FAM168A: variants seen among roughly 807,000 people sequenced by gnomAD.
FAM168A encodes the protein family with sequence similarity 168 member A, also known as protein FAM168A.
In FAM168A, 3 loss-of-function variants were observed where a neutral mutation model predicts 28.5. The observed-to-expected ratio is 0.11, with a 90% confidence interval of 0.05 to 0.27. FAM168A has a LOEUF of 0.27. Among genes scored for constraint, FAM168A ranks in the 10% least tolerant of loss-of-function variants. The pLI is 1.00. For synonymous variants in FAM168A, 122 were observed against 124.2 expected (o/e 0.98, Z 0.12); for missense variants, 222 against 311.5 (o/e 0.71, Z 2.16).
chr11:73,462,460 G>A (rs1204773025), intron 2 of FAM168A, among the ~76,000 whole-genome samples: 1 of 152,178 alleles, frequency 6.6e-6, no homozygotes, highest in African/African-American at 2.4e-5. Context: ...GAAATGAAGA[G>A]TTATTGTTTA....
intron 1 of FAM168A, among the ~76,000 whole-genome samples, chr11:73,513,155 A>C (rs1000997794): frequency 7.3e-5 from 11 of 151,262 alleles, no homozygotes; most frequent in Non-Finnish European, 1.5e-4. Flanking sequence ...TGTTCTATGA[A>C]CAGAAATGAC....
chr11:73,531,052 A>G (rs1943508942), intron 1 of FAM168A, among the ~76,000 whole-genome samples: 1 of 152,210 alleles, frequency 6.6e-6, no homozygotes, highest in Admixed American at 6.5e-5. Flanking sequence ...TAGAGGAGAC[A>G]GACACTGAAA....
At position 73,406,138 on chromosome 11, in the gene FAM168A, A is replaced by C. The variant is rs565452041; in HGVS notation, c.*625T>G. 8.6e-6 allele frequency: 1 copy of C among 116,692 alleles called. No homozygotes were observed. The highest frequency in any genetic ancestry group is 2.9e-4 in the South Asian group (1 of 3,394). 7.2% of individuals were successfully genotyped at this position (116,692 alleles called of 1,614,324 possible). ...CCCCCCACCCTCCCCCAAATTCTAA[A>C]GACTTTTTTCCCCAGGTTCTCAGCC... On this transcript the variant is annotated 3_prime_UTR_variant, in exon 8 of 8. Coordinates refer to ENST00000356467, the MANE Select transcript of FAM168A (RefSeq NM_015159.3).
intron 1 of FAM168A, among the ~76,000 whole-genome samples, chr11:73,525,301 A>T (rs534235307): frequency 6.6e-6 from 1 of 152,092 alleles, no homozygotes; most frequent in South Asian, 2.1e-4. Context: ...TGCCATGCCA[A>T]TTTTTTTTAA....
intron 1 of FAM168A, among the ~76,000 whole-genome samples, chr11:73,505,453 G>A (rs1015692215): frequency 6.6e-6 from 1 of 152,058 alleles, no homozygotes; most frequent in Non-Finnish European, 1.5e-5. Context: ...TTAGAACAAT[G>A]CCCAACATAT....
intron 1 of FAM168A, among the ~76,000 whole-genome samples, chr11:73,528,225 G>C (rs1006190639): frequency 3.3e-5 from 5 of 152,146 alleles, no homozygotes; most frequent in Non-Finnish European, 7.3e-5. Context: ...ACTCCATTTT[G>C]AATGAGGGCT....
chr11:73,406,297 A>G lies in FAM168A; in HGVS notation c.*466T>C, dbSNP rs1326200864. 6.6e-6 allele frequency: 1 copy of G among 152,160 alleles called. No individual in the cohort carries two copies. Among genetic ancestry groups the G allele is most frequent in the Non-Finnish European group, 1.5e-5 (1 of 68,040 alleles). The allele number at this position is 152,160 out of a possible 1,614,324, so 9.4% of individuals were successfully genotyped here. On this transcript the variant is annotated 3_prime_UTR_variant, in exon 8 of 8. Coordinates refer to ENST00000356467, the MANE Select transcript of FAM168A (RefSeq NM_015159.3). ...GTCCTGAACTAATCTTGCTTAAGAA[A>G]AAACAACCAGAACACTCCCCTAGAG...
chr11:73,421,016 T>C (rs1432965026), intron 3 of FAM168A: 1 of 148,638 alleles, frequency 6.7e-6, no homozygotes, highest in Non-Finnish European at 1.5e-5. Flanking sequence ...CTCAAATTAC[T>C]GTTTATGGTA....
At chr11:73,513,233 G>T (rs866199443) in intron 1 of FAM168A, among the ~76,000 whole-genome samples, 1 of 132,366 alleles carries the variant, frequency 7.6e-6, no homozygotes, top group South Asian at 2.4e-4. Context: ...TTTTTGAGAC[G>T]GAGTCTTGCT....
intron 1 of FAM168A, among the ~76,000 whole-genome samples, chr11:73,567,617 T>C (rs943516200): frequency 1.3e-5 from 2 of 152,216 alleles, no homozygotes; most frequent in African/African-American, 4.8e-5. Context: ...ACTGAGCACA[T>C]GCAACCGAGT....
chr11:73,409,655 A>G lies in FAM168A; in HGVS notation c.427T>C (p.Tyr143His). Residue 143 changes from tyrosine to histidine, a missense_variant, in exon 6 of 8, where the codon TAC becomes CAC. This residue lies in a region of FAM168A where 153 missense variants were observed against 189.2 expected (regional missense o/e 0.81). Coordinates refer to ENST00000356467, the MANE Select transcript of FAM168A (RefSeq NM_015159.3). ...GCAGCATACACCGGCTGTGTGTAGTAGGCTCCCTGGGGGAAAGAGGCTGAG... is the reference window on the plus strand; with the variant it reads ...GCAGCATACACCGGCTGTGTGTAGTGGGCTCCCTGGGGGAAAGAGGCTGAG... ...PQQNLYAQGA[Y>H]YTQPVYAAQP... The G allele has an allele frequency of 6.2e-7, 1 of 1,603,072 alleles. No individual in the cohort carries two copies. The highest frequency in any genetic ancestry group is 2.2e-5 in the East Asian group (1 of 44,588).
intron 1 of FAM168A, among the ~76,000 whole-genome samples, chr11:73,537,498 A>T (rs1460886537): frequency 6.6e-6 from 1 of 152,076 alleles, no homozygotes; most frequent in Non-Finnish European, 1.5e-5. Flanking sequence ...GAGGCAGAGG[A>T]GGCAGAGTGA....
chr11:73,413,721 G>T (rs924207218), intron 4 of FAM168A, among the ~76,000 whole-genome samples: 47 of 152,286 alleles, frequency 3.1e-4, no homozygotes, highest in African/African-American at 1.1e-3. Context: ...GTAAAATAGA[G>T]ATAAACAGTT....
chr11:73,481,882 G>A (rs1452576210), intron 1 of FAM168A, among the ~76,000 whole-genome samples: 2 of 152,160 alleles, frequency 1.3e-5, no homozygotes, highest in East Asian at 1.9e-4. Context: ...AGGCTCTGCC[G>A]TCATGAATGG....
intron 2 of FAM168A, among the ~76,000 whole-genome samples, chr11:73,444,235 C>G (rs554828548): frequency 3.2e-4 from 49 of 152,344 alleles, no homozygotes; most frequent in Non-Finnish European, 6.6e-4. Context: ...GTAAGTACTT[C>G]AGTAAATAAT....
At chr11:73,585,544 T>C (rs947124266) in intron 1 of FAM168A, among the ~76,000 whole-genome samples, 3 of 152,100 alleles carry the variant, frequency 2.0e-5, no homozygotes, top group Non-Finnish European at 2.9e-5. Context: ...ATATCCAAAT[T>C]ATTTAAATAG....
At chr11:73,427,336 T>G (rs1310105808) in intron 3 of FAM168A, among the ~76,000 whole-genome samples, 3 of 151,762 alleles carry the variant, frequency 2.0e-5, no homozygotes, top group Non-Finnish European at 2.9e-5. Flanking sequence ...AAAATCAAGT[T>G]AGATGAGGGC....
intron 1 of FAM168A, among the ~76,000 whole-genome samples, chr11:73,515,608 A>C (rs1017343359): frequency 3.3e-5 from 5 of 151,992 alleles, no homozygotes; most frequent in South Asian, 2.1e-4. Flanking sequence ...ACAACAACAA[A>C]AAAATTTCTA....
intron 1 of FAM168A, among the ~76,000 whole-genome samples, chr11:73,562,838 A>G (rs1943974973): frequency 6.6e-6 from 1 of 152,062 alleles, no homozygotes; most frequent in Non-Finnish European, 1.5e-5. Flanking sequence ...AAAAAAGAAT[A>G]AAAGGTTACC....
Sources: allele counts gnomAD v4.1 joint callset (sites outside exome capture counted in the v4.1 genomes callset), GRCh38; gene constraint gnomAD v4.1.1; regional missense constraint gnomAD v4.1.1; transcripts MANE v1.5; gene names NCBI Gene and HGNC (gene_info 2026-07-23, HGNC 2026-07-21).